GEM: variants seen among roughly 807,000 people sequenced by gnomAD.
GEM encodes the protein GTP-binding protein GEM.
GEM carries 31 observed loss-of-function variants against 33.0 expected under a neutral mutation model. The observed-to-expected ratio is 0.94, with a 90% CI of 0.71 to 1.27. GEM has a LOEUF of 1.27. Ranked by LOEUF, GEM falls within the 50% of genes most tolerant of loss-of-function variation. The probability of loss-of-function intolerance (pLI) is 0.00; values close to 1 mark genes in which losing one functional copy is unlikely to be tolerated. For synonymous variants in GEM, 141 were observed against 143.7 expected, an observed-to-expected ratio of 0.98 and a Z score of 0.13; for missense variants, 354 against 390.5, an observed-to-expected ratio of 0.91 and a Z score of 0.79.
In GEM at chr8:94,250,287, G is replaced by A; in HGVS notation, c.*23C>T. On this transcript the variant is annotated 3_prime_UTR_variant, in exon 5 of 5. Transcript: ENST00000297596. Reference sequence around the variant, plus strand: ...GGCCTTCAACAACGGCCATCAAAGGGACATCTGGGTGACCCTGGGTTCCTA... The same window carrying A: ...GGCCTTCAACAACGGCCATCAAAGGAACATCTGGGTGACCCTGGGTTCCTA... The A allele has an allele frequency of 6.3e-7, 1 of 1,588,728 alleles. No homozygotes were observed. Among genetic ancestry groups the A allele is most frequent in the East Asian group, 2.2e-5 (1 of 44,506 alleles).
In GEM at chr8:94,250,423, C is replaced by G. The variant is rs759705261; in HGVS notation, c.778G>C (p.Glu260Gln). The G allele has an allele frequency of 2.5e-6, 4 of 1,614,212 alleles. No individual in the cohort carries two copies. In the East Asian group the frequency reaches 6.7e-5, roughly 27 times the overall value. Residue 260 changes from glutamate (E) to glutamine (Q), a missense_variant, in exon 5 of 5, where the codon GAG becomes CAG. By Grantham distance (29) the Glu-to-Gln change is conservative. Transcript: ENST00000297596. ...ERRLAYQKRK[E>Q]SMPRKARRFW... ...CGCCTGGCTTTCCTGGGCATGCTCT[C>G]CTTCCTTTTCTGGTAGGCCAGCCGC...
rs115392199 is a variant in GEM, at chr8:94,255,328, A to G, written c.332-2216T>C. 3.4e-3 allele frequency among the ~76,000 whole-genome samples: 521 copies of G among 152,328 alleles called. 5 individuals are homozygous for G. The highest frequency in any genetic ancestry group is 0.012 in the African/African-American group (508 of 41,572). On this transcript the variant is annotated intron_variant, in intron 2 of 4. Transcript: ENST00000297596. ...AAGTAAAAACATGCTTTCCCGTTCT[A>G]GAAGCTTCCTGACAGGATCATTCTG... is the stretch of plus-strand genomic sequence containing the variant.
In GEM at chr8:94,252,065, A is replaced by G. The variant is rs769889864; in HGVS notation, c.567T>C (p.Val189=). The stretch of plus-strand genomic sequence containing the variant: ...ACCGCACTAAGTCACTTTTGTTGCC[A>G]ACCAAAATTATGGGAATGTCCTCTG... The part of the protein sequence containing the change: ...RQTEDIPIIL[V]GNKSDLVRCR... The change falls in exon 4 of 5, where the codon GTT becomes GTC. Residue 189 remains valine, a synonymous_variant. Transcript: ENST00000297596. 3.7e-6 allele frequency: 6 copies of G among 1,614,072 alleles called. No individual in the cohort carries two copies. The highest frequency in any genetic ancestry group is 5.1e-6 in the Non-Finnish European group (6 of 1,180,032).
At chr8:94,260,813 T>A (rs1035124893) in intron 1 of GEM, 1 of 261,070 alleles carries the variant, frequency 3.8e-6, no homozygotes, top group Admixed American at 4.9e-5. Context: ...CAAAGCAGAC[T>A]TGGATGAAAG....
chr8:94,252,263 C>T (rs1218797073), intron 3 of GEM, 40 bp from the exon 4 acceptor site: 2 of 1,334,582 alleles, frequency 1.5e-6, no homozygotes. Context: ...TCAGTTAGGC[C>T]TGGGGAATAA....
chr8:94,254,443 TCA>T (rs1449105505), intron 2 of GEM, among the ~76,000 whole-genome samples: 2 of 152,192 alleles, frequency 1.3e-5, no homozygotes, highest in Non-Finnish European at 2.9e-5. Flanking sequence ...TCTCTGAGCC[TCA>T]GTTTTCTTCA....
chr8:94,252,309 A>T, intron 3 of GEM, 86 bp from the exon 4 acceptor site: 1 of 896,514 alleles, frequency 1.1e-6, no homozygotes, highest in South Asian at 1.4e-5. Context: ...TGTGTATCCT[A>T]AAGTACACTT....
Position 94,260,471 on chromosome 8 carries a change from G to A in GEM, c.33C>T (p.Gly11=). Residue 11 remains glycine, a synonymous_variant, in exon 2 of 5, where the codon GGC becomes GGT. Transcript: ENST00000297596. MTLNNVTMRQ[G]TVGMQPQQQR... is the part of the protein sequence containing the mutation. ...GCTGCTGTGGCTGCATGCCCACAGT[G>A]CCCTGGCGCATGGTGACATTATTCA... The A allele has an allele frequency of 6.2e-7, 1 of 1,609,344 alleles. No homozygotes were observed. Among genetic ancestry groups the A allele is most frequent in the Non-Finnish European group, 8.5e-7 (1 of 1,176,542 alleles).
At chr8:94,257,731 G>T (rs1028902406) in intron 2 of GEM, among the ~76,000 whole-genome samples, 6 of 152,252 alleles carry the variant, frequency 3.9e-5, no homozygotes, top group South Asian at 4.1e-4. Flanking sequence ...ATGAATGAAT[G>T]AATGAATGGC....
At chr8:94,253,718 T>C (rs1247951305) in intron 2 of GEM, among the ~76,000 whole-genome samples, 7 of 152,208 alleles carry the variant, frequency 4.6e-5, no homozygotes, top group Non-Finnish European at 5.9e-5. Flanking sequence ...TTGAGTATAA[T>C]AGAAATGCAG....
At chr8:94,261,658 C>T (rs1798108273) in intron 1 of GEM, among the ~76,000 whole-genome samples, 1 of 152,228 alleles carries the variant, frequency 6.6e-6, no homozygotes, top group Non-Finnish European at 1.5e-5. Context: ...CCACCATTCT[C>T]AGATCCCCTT....
intron 2 of GEM, among the ~76,000 whole-genome samples, chr8:94,259,274 C>T (rs540181876): frequency 2.0e-5 from 3 of 152,318 alleles, no homozygotes; most frequent in Admixed American, 1.3e-4. Context: ...ACTGAGTCAT[C>T]GCTAAGACAC....
Position 94,262,238 on chromosome 8 carries a change from G to T in GEM, c.-158C>A, listed in dbSNP as rs1809039323. The T allele has an allele frequency of 6.6e-6, 1 of 152,230 alleles. No homozygotes were observed. The allele number at this position is 152,230 out of a possible 1,614,324, so 9.4% of individuals were successfully genotyped here. A position where few individuals can be genotyped will look rare whatever the true frequency, so the allele number is the denominator to read the frequency against. On this transcript the variant is annotated 5_prime_UTR_variant, in exon 1 of 5. Transcript: ENST00000297596. The stretch of plus-strand genomic sequence containing the variant: ...GCCGGATCGGCGTCGGGGCGTCAGC[G>T]TATCGCGTGGGTCCGCGCTGGGATA...
At position 94,252,097 on chromosome 8, in the gene GEM, G is replaced by C; in HGVS notation, c.535C>G (p.Arg179Gly). 6.2e-7 allele frequency: 1 copy of C among 1,614,008 alleles called. No individual in the cohort carries two copies. The highest frequency in any genetic ancestry group is 1.1e-5 in the South Asian group (1 of 91,076). The change falls in exon 4 of 5, where the codon CGG becomes GGG. Residue 179 changes from arginine to glycine, a missense_variant. Arg to Gly is a moderately radical substitution (Grantham distance 125, BLOSUM62 -2). Transcript: ENST00000297596. ...SELRIQLRRARQTEDIPIILV... is the reference protein window; with the variant it reads ...SELRIQLRRAGQTEDIPIILV... ...ATTATGGGAATGTCCTCTGTCTGCC[G>C]GGCCCTGCGGAGCTGGATTCGCAGC...
At chr8:94,261,551 A>G (rs1331194446) in intron 1 of GEM, among the ~76,000 whole-genome samples, 1 of 152,074 alleles carries the variant, frequency 6.6e-6, no homozygotes, top group African/African-American at 2.4e-5. Context: ...TGGTAGAGAC[A>G]GTGGCCTCAC....
intron 1 of GEM, among the ~76,000 whole-genome samples, chr8:94,260,936 T>C (rs55652429): frequency 0.01 from 1,583 of 152,322 alleles, 22 homozygotes; most frequent in African/African-American, 0.036. Context: ...TCAGGTTAGC[T>C]GCTCTTGTCT....
chr8:94,249,439 A>G lies in GEM; in HGVS notation c.*871T>C, dbSNP rs768211381. The G allele has an allele frequency of 1.7e-4, 26 of 152,244 alleles. No individual in the cohort carries two copies. The highest frequency in any genetic ancestry group is 2.9e-4 in the Non-Finnish European group (20 of 68,044). The allele number at this position is 152,244 out of a possible 1,614,324, so 9.4% of individuals were successfully genotyped here. ...ATAATAAATAGAGCAGAGCTGTGAC[A>G]TACAAGGGTCAACCAAAGTACTGGA... is the stretch of plus-strand genomic sequence containing the variant. On this transcript the variant is annotated 3_prime_UTR_variant, in exon 5 of 5. Coordinates refer to ENST00000297596, the MANE Select transcript of GEM (RefSeq NM_005261.4).
At chr8:94,253,791 G>T (rs1808829859) in intron 2 of GEM, among the ~76,000 whole-genome samples, 1 of 152,070 alleles carries the variant, frequency 6.6e-6, no homozygotes, top group African/African-American at 2.4e-5. Context: ...TCTTGTGTAG[G>T]TGAAGGGTGA....
intron 2 of GEM, among the ~76,000 whole-genome samples, chr8:94,258,213 A>C (rs1023821988): frequency 6.6e-6 from 1 of 152,220 alleles, no homozygotes; most frequent in Non-Finnish European, 1.5e-5. Flanking sequence ...GGATACATAC[A>C]ACTCCATTCT....
Sources: allele counts gnomAD v4.1 joint callset (sites outside exome capture counted in the v4.1 genomes callset), GRCh38; gene constraint gnomAD v4.1.1; transcripts MANE v1.5; gene names NCBI Gene and HGNC (gene_info 2026-07-23, HGNC 2026-07-21).